Variants in NRG3 observed in about 807,000 individuals in gnomAD.
NRG3 encodes the protein neuregulin 3.
Under a neutral mutation model 66.9 loss-of-function variants are expected in NRG3, and 31 were observed. The ratio of observed to expected loss-of-function variants is 0.46; its 90% CI spans 0.35 to 0.63. The LOEUF (loss-of-function observed/expected upper bound fraction) is 0.63. Among genes scored for constraint, NRG3 ranks in the 20% least tolerant of loss-of-function variants. NRG3 has a pLI of 0.00. For synonymous variants in NRG3, 393 were observed against 359.4 expected (o/e 1.09, Z -1.06); for missense variants, 910 against 878.9 (o/e 1.04, Z -0.45).
chr10:81,994,572 C>T (rs904075990), intron 1 of NRG3, among the ~76,000 whole-genome samples: 3 of 151,838 alleles, frequency 2.0e-5, no homozygotes, highest in Middle Eastern at 3.4e-3. Context: ...GGATAGATAG[C>T]ATGTCGAATA....
At chr10:82,440,473 G>A (rs576331533) in intron 2 of NRG3, among the ~76,000 whole-genome samples, 2 of 142,508 alleles carry the variant, frequency 1.4e-5, no homozygotes, top group East Asian at 4.2e-4. Context: ...TCTCCATCCT[G>A]TTATTTTGGT....
intron 1 of NRG3, among the ~76,000 whole-genome samples, chr10:82,106,153 G>A (rs900051034): frequency 2.0e-5 from 3 of 152,196 alleles, no homozygotes; most frequent in African/African-American, 7.2e-5. Flanking sequence ...CTTATCTAAG[G>A]CAACTGAGTG....
At chr10:82,932,881 T>C (rs1185604098) in intron 4 of NRG3, among the ~76,000 whole-genome samples, 1 of 152,128 alleles carries the variant, frequency 6.6e-6, no homozygotes, top group African/African-American at 2.4e-5. Context: ...CTCCTCTCCC[T>C]TCTCCTCCTT....
chr10:82,182,842 T>C lies in NRG3; in HGVS notation c.824-175897T>C, dbSNP rs182575680. On this transcript the variant is annotated intron_variant, in intron 1 of 8. Coordinates refer to ENST00000372141, the MANE Select transcript of NRG3 (RefSeq NM_001010848.4). Reference sequence around the variant, plus strand: ...TAGTGGAGTGGAACTCCCTCAGTTTTGTTCATCTGAGAAAGTACATACCTT... The same window carrying C: ...TAGTGGAGTGGAACTCCCTCAGTTTCGTTCATCTGAGAAAGTACATACCTT... Among the ~76,000 whole-genome samples the C allele has an allele frequency of 3.7e-3, 560 of 152,122 alleles. 4 individuals carry two copies. The highest frequency in any genetic ancestry group is 0.02 in the South Asian group (97 of 4,830).
chr10:82,093,815 G>A (rs1225758735), intron 1 of NRG3, among the ~76,000 whole-genome samples: 1 of 152,124 alleles, frequency 6.6e-6, no homozygotes, highest in Non-Finnish European at 1.5e-5. Flanking sequence ...AACCTGTCAG[G>A]GGAGATAATT....
chr10:82,587,505 A>G (rs2046741481), intron 2 of NRG3, among the ~76,000 whole-genome samples: 3 of 152,238 alleles, frequency 2.0e-5, no homozygotes, highest in African/African-American at 7.2e-5. Context: ...AAATTACTGC[A>G]TTAGACTATC....
chr10:82,026,945 T>G (rs1006501561), intron 1 of NRG3, among the ~76,000 whole-genome samples: 2 of 152,056 alleles, frequency 1.3e-5, no homozygotes, highest in Non-Finnish European at 2.9e-5. Flanking sequence ...TTTGCTTGCC[T>G]TAATGATAAT....
intron 3 of NRG3, among the ~76,000 whole-genome samples, chr10:82,851,737 G>GT (rs11424336): frequency 0.63 from 96,240 of 151,934 alleles, 31,832 homozygotes; most frequent in African/African-American, 0.84. Flanking sequence ...AAGCTATATA[G>GT]TTTTTTTCTT....
At chr10:82,876,308 T>C (rs1841814436) in intron 4 of NRG3, among the ~76,000 whole-genome samples, 1 of 152,236 alleles carries the variant, frequency 6.6e-6, no homozygotes, top group Non-Finnish European at 1.5e-5. Context: ...CATGAATTTC[T>C]TATGTAATAT....
Position 82,985,251 on chromosome 10 carries a change from A to C in NRG3, c.1737A>C (p.Ser579=), listed in dbSNP as rs541644821. ...TRASSVPIIP[S]VGLEETCLQM... ...CCAGTTCTGTGCCCATCATCCCTTC[A>C]GTGGGTTTAGAGGAAACCTGCCTGC... Residue 579 remains serine, a synonymous_variant, in exon 9 of 9, where the codon TCA becomes TCC. Coordinates refer to ENST00000372141, the MANE Select transcript of NRG3 (RefSeq NM_001010848.4). 6.2e-7 allele frequency: 1 copy of C among 1,614,044 alleles called. No individual in the cohort carries two copies. Among genetic ancestry groups the C allele is most frequent in the Non-Finnish European group, 8.5e-7 (1 of 1,180,010 alleles).
chr10:82,936,063 G>T (rs1848039394), intron 4 of NRG3, among the ~76,000 whole-genome samples: 1 of 152,164 alleles, frequency 6.6e-6, no homozygotes, highest in Non-Finnish European at 1.5e-5. Flanking sequence ...CTTGGTCTGA[G>T]CATTGAGTAC....
At chr10:82,087,906 A>G (rs2065818329) in intron 1 of NRG3, among the ~76,000 whole-genome samples, 1 of 152,122 alleles carries the variant, frequency 6.6e-6, no homozygotes, top group Admixed American at 6.5e-5. Flanking sequence ...ACAGTATCCA[A>G]TTAAAAACAA....
intron 2 of NRG3, among the ~76,000 whole-genome samples, chr10:82,540,931 G>A (rs1242251717): frequency 6.6e-6 from 1 of 152,122 alleles, no homozygotes; most frequent in Non-Finnish European, 1.5e-5. Context: ...GTTAAGTGAG[G>A]TCATTAAGGT....
At chr10:82,029,183 T>A (rs555447918) in intron 1 of NRG3, among the ~76,000 whole-genome samples, 2 of 152,226 alleles carry the variant, frequency 1.3e-5, no homozygotes, top group African/African-American at 4.8e-5. Flanking sequence ...CATTCCAGCC[T>A]GGGCAACAGA....
chr10:81,936,562 A>G (rs926754881), intron 1 of NRG3, among the ~76,000 whole-genome samples: 1 of 152,066 alleles, frequency 6.6e-6, no homozygotes, highest in South Asian at 2.1e-4. Flanking sequence ...GAGTGGGAGA[A>G]CCACAGATGG....
intron 2 of NRG3, among the ~76,000 whole-genome samples, chr10:82,599,450 C>T (rs904104760): frequency 9.2e-5 from 14 of 152,114 alleles, no homozygotes; most frequent in Non-Finnish European, 2.1e-4. Context: ...AACGTTCAAA[C>T]CAAGTATAAA....
chr10:82,855,332 TC>T (rs1378726564), intron 3 of NRG3, among the ~76,000 whole-genome samples: 1 of 152,164 alleles, frequency 6.6e-6, no homozygotes, highest in Non-Finnish European at 1.5e-5. Context: ...TTCTTTCATT[TC>T]TTTCTCTTGA....
intron 1 of NRG3, among the ~76,000 whole-genome samples, chr10:82,321,238 G>A (rs903366349): frequency 6.6e-6 from 1 of 150,614 alleles, no homozygotes; most frequent in Non-Finnish European, 1.5e-5. Flanking sequence ...TCCAGTAAAG[G>A]GTTTGAGCGC....
intron 3 of NRG3, among the ~76,000 whole-genome samples, chr10:82,831,144 T>G (rs917299347): frequency 6.6e-6 from 1 of 152,098 alleles, no homozygotes; most frequent in African/African-American, 2.4e-5. Context: ...AAGGTGACCT[T>G]TGAGATGAAC....
Sources: allele counts gnomAD v4.1 joint callset (sites outside exome capture counted in the v4.1 genomes callset), GRCh38; gene constraint gnomAD v4.1.1; transcripts MANE v1.5; gene names NCBI Gene and HGNC (gene_info 2026-07-23, HGNC 2026-07-21).